The following ACVR1C variants were observed in gnomAD, a reference collection of about 807,000 sequenced individuals.
ACVR1C encodes the protein activin receptor type-1C.
Under a neutral mutation model 57.9 loss-of-function variants are expected in ACVR1C, and 23 were observed. The observed-to-expected ratio is 0.40, with a 90% confidence interval of 0.29 to 0.56. The LOEUF (loss-of-function observed/expected upper bound fraction) is 0.56. Among genes scored for constraint, ACVR1C ranks in the 20% least tolerant of loss-of-function variants. The pLI is 0.50. For synonymous variants in ACVR1C, 214 were observed against 215.3 expected, an observed-to-expected ratio of 0.99 and a Z score of 0.05; for missense variants, 480 against 607.9, an observed-to-expected ratio of 0.79 and a Z score of 2.21.
intron 2 of ACVR1C, among the ~76,000 whole-genome samples, chr2:157,576,203 CT>C (rs10628650): frequency 3.0e-4 from 29 of 97,940 alleles, no homozygotes; most frequent in East Asian, 1.1e-3. Flanking sequence ...ATAATCATTT[CT>C]TTTTTTTTTT....
chr2:157,556,225 C>G lies in ACVR1C; in HGVS notation c.412G>C (p.Gly138Arg), dbSNP rs752350098. The G allele has an allele frequency of 8.1e-6, 13 of 1,613,902 alleles. No homozygotes were observed. The highest frequency in any genetic ancestry group is 3.3e-4 in the Middle Eastern group (2 of 6,084). Residue 138 changes from glycine to arginine, a missense_variant, in exon 3 of 9, where the codon GGT (glycine) becomes CGT (arginine). Gly to Arg is a moderately radical substitution (Grantham distance 125). Transcript: ENST00000243349. ...AAMLTVWACQGRQCSYRKKKR... is the reference protein window; with the variant it reads ...AAMLTVWACQRRQCSYRKKKR... ...TTCTTCCTGTAGGAGCACTGTCGAC[C>G]CTGGCATGCCCATACTGTCAGCATC...
At chr2:157,539,863 T>C (rs1687580917) in intron 7 of ACVR1C, among the ~76,000 whole-genome samples, 1 of 152,234 alleles carries the variant, frequency 6.6e-6, no homozygotes, top group Admixed American at 6.5e-5. Flanking sequence ...GAATGTTTTA[T>C]AATATCATCT....
At chr2:157,619,312 C>T (rs1682715920) in intron 1 of ACVR1C, among the ~76,000 whole-genome samples, 2 of 150,614 alleles carry the variant, frequency 1.3e-5, no homozygotes, top group Admixed American at 6.6e-5. Flanking sequence ...ACACAGGTGG[C>T]TTCAAAAAAT....
rs887897467 is a variant in ACVR1C, at chr2:157,556,665, T to C, written c.305-333A>G. 1.6e-4 allele frequency among the ~76,000 whole-genome samples: 23 copies of C among 141,602 alleles called. 1 individual carries two copies. Among genetic ancestry groups the C allele is most frequent in the African/African-American group, 5.9e-4 (22 of 37,458 alleles). 92.9% of individuals were successfully genotyped at this position (141,602 alleles called of 152,430 possible). On this transcript the variant is annotated intron_variant, in intron 2 of 8. Transcript: ENST00000243349. ...CATTATTCAGCAGTACACTTTTTTT[T>C]TTTTTTTTTTTTTTTTGAGATGGAG...
rs945010893 is a variant in ACVR1C, at chr2:157,529,847, T to C, written c.*4071A>G. 1 of 152,072 alleles carries C rather than the reference T, an allele frequency of 6.6e-6. No homozygotes were observed. The highest frequency in any genetic ancestry group is 2.4e-5 in the African/African-American group (1 of 41,458). 9.4% of individuals were successfully genotyped at this position (152,072 alleles called of 1,614,324 possible). On this transcript the variant is annotated 3_prime_UTR_variant, in exon 9 of 9. Transcript: ENST00000243349. The stretch of plus-strand genomic sequence containing the variant: ...TATCTATATATTTTCATTAAAATGT[T>C]TTGAAAAATGCCCATATTATAAAAA...
chr2:157,536,989 A>T (rs1573901465), intron 8 of ACVR1C, among the ~76,000 whole-genome samples: 1 of 152,174 alleles, frequency 6.6e-6, no homozygotes, highest in East Asian at 1.9e-4. Context: ...TCATCACCTC[A>T]TAGATATAGC....
At chr2:157,583,710 C>G (rs1688846116) in intron 2 of ACVR1C, among the ~76,000 whole-genome samples, 1 of 152,114 alleles carries the variant, frequency 6.6e-6, no homozygotes, top group Non-Finnish European at 1.5e-5. Context: ...AATATACCCA[C>G]ATATATAAAG....
At position 157,533,471 on chromosome 2, in the gene ACVR1C, G is replaced by A. The variant is rs144730609; in HGVS notation, c.*447C>T. 1,840 of 152,664 alleles carry A rather than the reference G, an allele frequency of 0.012. 19 individuals carry two copies. Among genetic ancestry groups the A allele is most frequent in the Non-Finnish European group, 0.019 (1,302 of 68,026 alleles). 9.5% of individuals were successfully genotyped at this position (152,664 alleles called of 1,614,324 possible). On this transcript the variant is annotated 3_prime_UTR_variant, in exon 9 of 9. Coordinates refer to ENST00000243349, the MANE Select transcript of ACVR1C (RefSeq NM_145259.3). Reference sequence around the variant, plus strand: ...AAAAAGTCCTGCTAACTTAAAAAGGGGGAAACATAGATTGCATCACCTAAA... The same window carrying A: ...AAAAAGTCCTGCTAACTTAAAAAGGAGGAAACATAGATTGCATCACCTAAA...
intron 1 of ACVR1C, among the ~76,000 whole-genome samples, chr2:157,618,989 CAAG>C: frequency 6.6e-6 from 1 of 151,794 alleles, no homozygotes; most frequent in East Asian, 1.9e-4. Context: ...GCTGGTGAAA[CAAG>C]AAGACAGAGA....
chr2:157,622,161 T>A (rs1682790859), intron 1 of ACVR1C, among the ~76,000 whole-genome samples: 1 of 152,170 alleles, frequency 6.6e-6, no homozygotes, highest in Admixed American at 6.6e-5. Flanking sequence ...TTTTGACTAT[T>A]GACTGTGAAA....
intron 1 of ACVR1C, among the ~76,000 whole-genome samples, chr2:157,588,889 G>GTA (rs1240049314): frequency 6.6e-4 from 73 of 110,012 alleles, no homozygotes; most frequent in South Asian, 1.1e-3. Context: ...ACGTGTGTGT[G>GTA]TATATATATA....
chr2:157,537,657 T>C (rs1687521814), intron 8 of ACVR1C, among the ~76,000 whole-genome samples: 2 of 151,952 alleles, frequency 1.3e-5, no homozygotes, highest in South Asian at 4.1e-4. Flanking sequence ...AGACATCACC[T>C]AAAAAAGATC....
At chr2:157,575,892 T>C (rs1027762706) in intron 2 of ACVR1C, among the ~76,000 whole-genome samples, 1 of 152,162 alleles carries the variant, frequency 6.6e-6, no homozygotes, top group African/African-American at 2.4e-5. Context: ...TTAAAGAATG[T>C]CCTCTGCCTG....
At chr2:157,554,201 G>GAGAGAGAGAGAGAGAGAAAGAA (rs1553481316) in intron 3 of ACVR1C, among the ~76,000 whole-genome samples, 1 of 41,440 alleles carries the variant, frequency 2.4e-5, no homozygotes, top group African/African-American at 1.4e-4. Context: ...ATAAAGAAGA[G>GAGAGAGAGAGAGAGAGAAAGAA]AGAAAGAAAG....
At chr2:157,561,929 C>T (rs924494582) in intron 2 of ACVR1C, among the ~76,000 whole-genome samples, 1 of 152,192 alleles carries the variant, frequency 6.6e-6, no homozygotes, top group African/African-American at 2.4e-5. Flanking sequence ...AGTCCACAAC[C>T]TTGTGGAATT....
At chr2:157,615,780 G>C (rs1044638241) in intron 1 of ACVR1C, among the ~76,000 whole-genome samples, 1 of 152,032 alleles carries the variant, frequency 6.6e-6, no homozygotes, top group Non-Finnish European at 1.5e-5. Context: ...CAATAGGACT[G>C]TTCTTGTAAA....
At chr2:157,562,752 A>T (rs1471367085) in intron 2 of ACVR1C, among the ~76,000 whole-genome samples, 1 of 152,182 alleles carries the variant, frequency 6.6e-6, no homozygotes, top group Non-Finnish European at 1.5e-5. Flanking sequence ...CCGGTAGCAC[A>T]TCAAAAAGTT....
chr2:157,595,838 CCTTT>C (rs2105133614), intron 1 of ACVR1C, among the ~76,000 whole-genome samples: 1 of 152,290 alleles, frequency 6.6e-6, no homozygotes, highest in South Asian at 2.1e-4. Context: ...AGTATTCTCC[CCTTT>C]CTTCTCATTC....
At chr2:157,556,381 G>A (rs1688100988) in intron 2 of ACVR1C, 49 bp from the exon 3 acceptor site, 7 of 1,597,220 alleles carry the variant, frequency 4.4e-6, no homozygotes, top group Non-Finnish European at 6.0e-6. Context: ...ACCATTTTAA[G>A]TATTTTTGGA....
Sources: allele counts gnomAD v4.1 joint callset (sites outside exome capture counted in the v4.1 genomes callset), GRCh38; gene constraint gnomAD v4.1.1; transcripts MANE v1.5; gene names NCBI Gene and HGNC (gene_info 2026-07-23, HGNC 2026-07-21).